Variants in LAMC2 observed in about 807,000 individuals in gnomAD.
The protein encoded by LAMC2 is laminin subunit gamma 2, also known as laminin subunit gamma-2.
LAMC2 carries 97 observed loss-of-function variants against 140.2 expected under a neutral mutation model. That is an observed-to-expected ratio of 0.69 (90% CI 0.59 to 0.82). The LOEUF is 0.82. Ranked by LOEUF, LAMC2 falls within the 40% of genes least tolerant of loss-of-function variation. The probability of loss-of-function intolerance (pLI) is 0.00; values close to 1 mark genes in which losing one functional copy is unlikely to be tolerated. For missense variants in LAMC2, 1,402 were observed against 1,476.1 expected (o/e 0.95, Z 0.82); for synonymous variants, 513 against 540.2 (o/e 0.95, Z 0.70).
intron 7 of LAMC2, among the ~76,000 whole-genome samples, chr1:183,224,709 G>A (rs985886830): frequency 7.1e-6 from 1 of 141,576 alleles, no homozygotes; most frequent in South Asian, 2.3e-4. Context: ...CACACACACA[G>A]CTCTCCTGCC....
In LAMC2 at chr1:183,240,025, C is replaced by T. The variant is rs1660082104; in HGVS notation, c.3070-15C>T. Reference sequence around the variant, plus strand: ...CTATCTCTCCTTCCGTCCCTGGCTCCTTTTCTTCTCTCAGGAGATTGGGAG... The same window carrying T: ...CTATCTCTCCTTCCGTCCCTGGCTCTTTTTCTTCTCTCAGGAGATTGGGAG... On this transcript the variant is annotated splice_polypyrimidine_tract_variant and intron_variant, in intron 20 of 22. Coordinates refer to ENST00000264144, the MANE Select transcript of LAMC2 (RefSeq NM_005562.3). 1.2e-6 allele frequency: 2 copies of T among 1,614,030 alleles called. No homozygotes were observed. The highest frequency in any genetic ancestry group is 1.7e-6 in the Non-Finnish European group (2 of 1,180,024).
At chr1:183,218,832 A>C (rs113171117) in intron 4 of LAMC2, among the ~76,000 whole-genome samples, 115 of 152,344 alleles carry the variant, frequency 7.5e-4, no homozygotes, top group Non-Finnish European at 1.4e-3. Flanking sequence ...ATCCTGGGAC[A>C]CAGGCTGGTT....
At chr1:183,211,204 C>A (rs115688649) in intron 2 of LAMC2, among the ~76,000 whole-genome samples, 4,956 of 152,238 alleles carry the variant, frequency 0.033, 142 homozygotes, top group South Asian at 0.11. Flanking sequence ...GGCTGAGTTA[C>A]CTTCAGCTCT....
In LAMC2 at chr1:183,228,878, C is replaced by T. The variant is rs3768597; in HGVS notation, c.1714+259C>T. Among the ~76,000 whole-genome samples the T allele has an allele frequency of 0.093, 14,213 of 152,176 alleles. 1,116 individuals carry two copies. Among genetic ancestry groups the T allele is most frequent in the African/African-American group, 0.21 (8,866 of 41,496 alleles). ...GAAAAAGGTCAGGTTTACATTCCTA[C>T]GCGGAAAAGGATGTAACACGGGGCC... is the stretch of plus-strand genomic sequence containing the variant. On this transcript the variant is annotated intron_variant, in intron 11 of 22. Coordinates refer to ENST00000264144, the MANE Select transcript of LAMC2 (RefSeq NM_005562.3). This position sits in a 1 kb window ranked among gnomAD's most constrained non-coding sequence, Gnocchi z 4.3.
chr1:183,189,387 C>T (rs1384756317), intron 1 of LAMC2, among the ~76,000 whole-genome samples: 3 of 152,058 alleles, frequency 2.0e-5, no homozygotes, highest in Non-Finnish European at 2.9e-5. Context: ...CCCAGGAGTT[C>T]GAGACCAGCC....
rs143706457 is a variant in LAMC2, at chr1:183,218,336, T to C, written c.405-54T>C. 1.0e-5 allele frequency: 14 copies of C among 1,363,516 alleles called. No individual in the cohort carries two copies. The East Asian group carries it at 2.3e-4, about 22-fold the overall frequency. 84.5% of individuals were successfully genotyped at this position (1,363,516 alleles called of 1,614,324 possible). A position where few individuals can be genotyped will look rare whatever the true frequency, so the allele number is the denominator to read the frequency against. The stretch of plus-strand genomic sequence containing the variant: ...CATGAGCAGTTGATTTTTATGTGCA[T>C]AGTTGTGAAGCATTTGGAAGCATGT... On this transcript the variant is annotated intron_variant, in intron 3 of 22. Transcript: ENST00000264144.
chr1:183,200,921 A>C (rs894110115), intron 1 of LAMC2, among the ~76,000 whole-genome samples: 2 of 152,234 alleles, frequency 1.3e-5, no homozygotes, highest in Non-Finnish European at 1.5e-5. Flanking sequence ...GAGAAGTAGC[A>C]TACAGCAGTC....
chr1:183,191,963 C>T (rs144277008), intron 1 of LAMC2, among the ~76,000 whole-genome samples: 68 of 152,268 alleles, frequency 4.5e-4, no homozygotes, highest in African/African-American at 1.6e-3. Context: ...CATTACTGGG[C>T]TATGTTTTAA....
chr1:183,255,881 C>T, the LAMC2 span, among the ~76,000 whole-genome samples: 1 of 151,818 alleles, frequency 6.6e-6, no homozygotes, highest in African/African-American at 2.4e-5. Flanking sequence ...CCAGACTGGT[C>T]TCTAACTCCT....
At chr1:183,248,980 C>T (rs559607825), downstream of LAMC2, 1 of 151,622 alleles carries the variant, frequency 6.6e-6, no homozygotes, top group African/African-American at 2.4e-5. Context: ...AGTTTTTTCT[C>T]CCTGTAATTC....
Position 183,222,220 on chromosome 1 carries a change from G to A in LAMC2, c.763+9G>A, listed in dbSNP as rs1383532613. Reference sequence around the variant, plus strand: ...CTATTTTGTGGCTCCTGGTATGTGAGGAATAATGTCTCCTATAGAGGCCAG... The same window carrying A: ...CTATTTTGTGGCTCCTGGTATGTGAAGAATAATGTCTCCTATAGAGGCCAG... On this transcript the variant is annotated intron_variant, in intron 6 of 22. Coordinates refer to ENST00000264144, the MANE Select transcript of LAMC2 (RefSeq NM_005562.3). 1.9e-6 allele frequency: 3 copies of A among 1,613,872 alleles called. No individual in the cohort carries two copies.
chr1:183,249,335 G>C (rs1470519235), downstream of LAMC2: 1 of 152,162 alleles, frequency 6.6e-6, no homozygotes, highest in African/African-American at 2.4e-5. Flanking sequence ...TTGACAAAAA[G>C]GGTTTTCCTT....
rs1213460110 is a variant in LAMC2, at chr1:183,223,182, T to G, written c.811T>G (p.Phe271Val). The G allele has an allele frequency of 6.2e-7, 1 of 1,614,074 alleles. No homozygotes were observed. The highest frequency in any genetic ancestry group is 1.3e-5 in the African/African-American group (1 of 74,926). ...GGTGAGCTATGGTCAAAGCCTGTCC[T>G]TTGACTACCGTGTGGACAGAGGAGG... ...QQVSYGQSLSFDYRVDRGGRH... is the reference protein window; with the variant it reads ...QQVSYGQSLSVDYRVDRGGRH... Residue 271 changes from phenylalanine (F) to valine (V), a missense_variant, in exon 7 of 23, where the codon TTT (phenylalanine) becomes GTT (valine). Physicochemically the swap from Phe to Val is conservative, Grantham distance 50. Around this residue, in one of 3 missense-constraint regions of LAMC2, gnomAD observed 723 missense variants for 783.3 expected, o/e 0.92. Coordinates refer to ENST00000264144, the MANE Select transcript of LAMC2 (RefSeq NM_005562.3).
intron 3 of LAMC2, among the ~76,000 whole-genome samples, chr1:183,216,442 C>A (rs1659259399): frequency 6.6e-6 from 1 of 152,194 alleles, no homozygotes. Context: ...CAAGGTCCTG[C>A]AAGGTCCTCC....
Position 183,236,614 on chromosome 1 carries a change from T to A in LAMC2, c.2601+10T>A. On this transcript the variant is annotated intron_variant, in intron 17 of 22. Transcript: ENST00000264144. ...TGATCAGTCCTTTCAGGTGAGGGCA[T>A]CTGGCCTGTGTGCTTGATATACAGG... The A allele has an allele frequency of 6.2e-7, 1 of 1,614,110 alleles. No homozygotes were observed. The highest frequency in any genetic ancestry group is 8.5e-7 in the Non-Finnish European group (1 of 1,179,964).
In LAMC2 at chr1:183,240,132, G is replaced by C; in HGVS notation, c.3162G>C (p.Arg1054Ser). 6.2e-7 allele frequency: 1 copy of C among 1,614,212 alleles called. No homozygotes were observed. The highest frequency in any genetic ancestry group is 8.5e-7 in the Non-Finnish European group (1 of 1,180,040). Residue 1054 changes from arginine to serine, a missense_variant, in exon 21 of 23, where the codon AGG (arginine) becomes AGC (serine). Arg to Ser is a moderately radical substitution (Grantham distance 110). Coordinates refer to ENST00000264144, the MANE Select transcript of LAMC2 (RefSeq NM_005562.3). ...TGGCCTCTCTGAAGAGTGAGATGAG[G>C]GAAGTGGAAGGAGAGCTGGAAAGGA... ...KGLASLKSEMREVEGELERKE... is the reference protein window; with the variant it reads ...KGLASLKSEMSEVEGELERKE...
chr1:183,227,388 C>T (rs756098036), intron 9 of LAMC2, 127 bp from the exon 10 acceptor site: 1 of 938,012 alleles, frequency 1.1e-6, no homozygotes, highest in Non-Finnish European at 1.7e-6. Flanking sequence ...AATGCCAGTG[C>T]TCAGGCACTT....
At chr1:183,196,974 A>G (rs1250030619) in intron 1 of LAMC2, among the ~76,000 whole-genome samples, 3 of 152,236 alleles carry the variant, frequency 2.0e-5, no homozygotes, top group East Asian at 1.9e-4. Context: ...TAAGACCATG[A>G]TAGTCCTTGT....
At chr1:183,210,950 AATTAGCCAGAGGAT>A (rs1659049641) in intron 2 of LAMC2, among the ~76,000 whole-genome samples, 1 of 152,238 alleles carries the variant, frequency 6.6e-6, no homozygotes, top group South Asian at 2.1e-4. Flanking sequence ...TCAGTATCCC[AATTAGCCAGAGGAT>A]ATTTTTCACT....
Sources: gnomAD v4.1 joint callset for allele counts (sites outside exome capture counted in the v4.1 genomes callset) on GRCh38, gnomAD v4.1.1 for gene constraint, gnomAD v4.1.1 regional missense constraint, Gnocchi (gnomAD v3.1) non-coding constraint, MANE v1.5 for transcripts, NCBI Gene and HGNC (gene_info 2026-07-23, HGNC 2026-07-21) for gene names.